Variants in TRIML1 observed in about 807,000 individuals in gnomAD.
The protein encoded by TRIML1 is probable E3 ubiquitin-protein ligase TRIML1.
A neutral mutation model predicts 32.3 loss-of-function variants in TRIML1; 34 were observed. The ratio of observed to expected loss-of-function variants is 1.05; its 90% CI spans 0.80 to 1.40. The LOEUF is 1.40. Ranked by LOEUF, TRIML1 falls within the 40% of genes most tolerant of loss-of-function variation. The pLI is 0.00. For synonymous variants in TRIML1, 244 were observed against 226.6 expected, an observed-to-expected ratio of 1.08 and a Z score of -0.69; for missense variants, 595 against 574.9, an observed-to-expected ratio of 1.03 and a Z score of -0.36.
At chr4:188,148,776 T>C (rs1735174313), downstream of TRIML1, among the ~76,000 whole-genome samples, 3 of 151,852 alleles carry the variant, frequency 2.0e-5, no homozygotes, top group South Asian at 4.2e-4. Context: ...CTAGTTTTTA[T>C]GTTTTTGTAG....
At chr4:188,149,854 A>C (rs1735204234), downstream of TRIML1, among the ~76,000 whole-genome samples, 1 of 152,018 alleles carries the variant, frequency 6.6e-6, no homozygotes, top group Admixed American at 6.6e-5. Flanking sequence ...CCAGGCTGGA[A>C]TGCAGTGGCG....
At chr4:188,138,334 G>C (rs1046424804), upstream of TRIML1, among the ~76,000 whole-genome samples, 1 of 152,098 alleles carries the variant, frequency 6.6e-6, no homozygotes, top group Non-Finnish European at 1.5e-5. Context: ...ACCAATGAAC[G>C]GAACAGCCTG....
downstream of TRIML1, among the ~76,000 whole-genome samples, chr4:188,148,602 GTGTT>G (rs534757145): frequency 9.9e-3 from 1,506 of 152,026 alleles, 12 homozygotes; most frequent in Non-Finnish European, 0.017. Flanking sequence ...ATCCCTGCAG[GTGTT>G]TGTTTGTTTG....
rs1560974906 is a variant in TRIML1 at position 188,147,039 on chromosome 4, C to G, written c.1074C>G (p.Cys358Trp). The change falls in exon 6 of 6, where the codon TGC becomes TGG. Residue 358 changes from cysteine to tryptophan, a missense_variant. Transcript: ENST00000332517. ...AGACCGAGTGGGAAGTGGGCATCTG[C>G]AAGGACTCTGTGAGCAGAAAGGGGA... ...GNKTEWEVGI[C>W]KDSVSRKGNL... The G allele has an allele frequency of 6.2e-7, 1 of 1,610,966 alleles. No homozygotes were observed. The highest frequency in any genetic ancestry group is 1.1e-5 in the South Asian group (1 of 90,650).
At chr4:188,140,759 T>A (rs546445146) in intron 2 of TRIML1, 136 bp downstream of exon 2, 1 of 652,976 alleles carries the variant, frequency 1.5e-6, no homozygotes, top group East Asian at 2.8e-5. Context: ...TTCCTTGCAT[T>A]GGGCTGCCTT....
At chr4:188,137,503 G>A (rs1367837555), upstream of TRIML1, among the ~76,000 whole-genome samples, 1 of 133,836 alleles carries the variant, frequency 7.5e-6, no homozygotes, top group Non-Finnish European at 1.6e-5. Flanking sequence ...TTGAGACAGA[G>A]TTTCGCTTTT....
intron 5 of TRIML1, among the ~76,000 whole-genome samples, chr4:188,144,412 G>A (rs775142642): frequency 2.7e-5 from 4 of 149,876 alleles, no homozygotes; most frequent in Admixed American, 6.7e-5. Context: ...TCCCGGGCTG[G>A]AGCGCAGGGG....
chr4:188,140,838 A>G (rs1734827285), intron 2 of TRIML1: 2 of 474,414 alleles, frequency 4.2e-6, no homozygotes, highest in Non-Finnish European at 7.5e-6. Context: ...CCTCCTTTGC[A>G]TAACTAGACA....
intron 1 of TRIML1, among the ~76,000 whole-genome samples, chr4:188,140,272 C>T (rs920364925): frequency 6.6e-6 from 1 of 152,108 alleles, no homozygotes; most frequent in African/African-American, 2.4e-5. Context: ...AGTCACCCAC[C>T]ACCACGCCCG....
chr4:188,140,719 T>G (rs1734822897), intron 2 of TRIML1, 96 bp downstream of exon 2: 1 of 927,742 alleles, frequency 1.1e-6, no homozygotes, highest in African/African-American at 1.7e-5. Flanking sequence ...AAAGACAAAT[T>G]TTTCCAGTCT....
At chr4:188,140,718 T>C in intron 2 of TRIML1, 95 bp downstream of exon 2, 1 of 943,920 alleles carries the variant, frequency 1.1e-6, no homozygotes, top group Admixed American at 2.3e-5. Flanking sequence ...AAAAGACAAA[T>C]TTTTCCAGTC....
At position 188,143,783 on chromosome 4, in the gene TRIML1, C is replaced by T. The variant is rs1011187665; in HGVS notation, c.736-55C>T. On this transcript the variant is annotated intron_variant, in intron 3 of 5. Coordinates refer to ENST00000332517, the MANE Select transcript of TRIML1 (RefSeq NM_178556.5). ...CAAGGACTGTATGCAAAATGAATTTCGTCTGTGTTATGATCAAAGCGCACC... is the reference window on the plus strand; with the variant it reads ...CAAGGACTGTATGCAAAATGAATTTTGTCTGTGTTATGATCAAAGCGCACC... 4.4e-6 allele frequency: 7 copies of T among 1,604,964 alleles called. No homozygotes were observed. The African/African-American group carries it at 6.7e-5, about 15-fold the overall frequency.
chr4:188,143,062 T>TG (rs1381022274), intron 3 of TRIML1: 1 of 152,002 alleles, frequency 6.6e-6, no homozygotes, highest in East Asian at 1.9e-4. Flanking sequence ...CAGGACCTTT[T>TG]TTTTTTTTTT....
chr4:188,143,910 T>A (rs781618977), intron 4 of TRIML1, 50 bp downstream of exon 4: 2 of 1,613,232 alleles, frequency 1.2e-6, no homozygotes, highest in Admixed American at 3.3e-5. Flanking sequence ...GCAGTGGTGC[T>A]GATGGACAGT....
rs2111239880 is a variant in TRIML1 at position 188,147,212 on chromosome 4, G to C, written c.1247G>C (p.Gly416Ala). 1 of 1,613,442 alleles carries C rather than the reference G, an allele frequency of 6.2e-7. No homozygotes were observed. The highest frequency in any genetic ancestry group is 8.5e-7 in the Non-Finnish European group (1 of 1,179,814). ...KVGVFLDYES[G>A]HIAFYNGTDE... ...GGTGTCTTCCTGGACTATGAATCTG[G>C]ACATATAGCATTCTACAACGGGACG... The change falls in exon 6 of 6, where the codon GGA becomes GCA. Residue 416 changes from glycine to alanine, a missense_variant. By Grantham distance (60) the Gly-to-Ala change is moderately conservative. Coordinates refer to ENST00000332517, the MANE Select transcript of TRIML1 (RefSeq NM_178556.5).
rs372670242 is a variant in TRIML1, at chr4:188,139,899, C to G, written c.341C>G (p.Ala114Gly). ...TCCGATGACGAGCAGGGTGGAAGCG[C>G]CTTCGTAGCCCAGAGCCATGGTGCA... ...ALSDDEQGGSAFVAQSHGANR... is the reference protein window; with the variant it reads ...ALSDDEQGGSGFVAQSHGANR... The change falls in exon 1 of 6, where the codon GCC becomes GGC. Residue 114 changes from alanine to glycine, a missense_variant. Physicochemically the swap from Ala to Gly is moderately conservative, Grantham distance 60 (BLOSUM62 0). Transcript: ENST00000332517. 4.3e-6 allele frequency: 7 copies of G among 1,613,706 alleles called. No homozygotes were observed. Among genetic ancestry groups the G allele is most frequent in the Middle Eastern group, 1.6e-4 (1 of 6,080 alleles).
chr4:188,145,939 A>G (rs563574104), intron 5 of TRIML1, among the ~76,000 whole-genome samples: 1 of 152,248 alleles, frequency 6.6e-6, no homozygotes, highest in Non-Finnish European at 1.5e-5. Flanking sequence ...TTGTCATGAC[A>G]TAATGAAAAA....
At chr4:188,138,310 C>G (rs780627167), upstream of TRIML1, among the ~76,000 whole-genome samples, 1 of 152,104 alleles carries the variant, frequency 6.6e-6, no homozygotes, top group Non-Finnish European at 1.5e-5. Context: ...CAGTTGGAGC[C>G]TTGAAAGTCA....
Position 188,143,977 on chromosome 4 carries a change from C to T in TRIML1, c.759-59C>T, listed in dbSNP as rs982532666. The stretch of plus-strand genomic sequence containing the variant: ...CTGGGGGAGAAATGAGGTGGACTCT[C>T]CAGCTGGAGCAGGTCACGCGGTCTG... On this transcript the variant is annotated intron_variant, in intron 4 of 5. Transcript: ENST00000332517. The T allele has an allele frequency of 1.4e-5, 22 of 1,606,222 alleles. No individual in the cohort carries two copies. In the African/African-American group the frequency reaches 2.9e-4, roughly 22 times the overall value.
Sources: gnomAD v4.1 joint callset for allele counts (sites outside exome capture counted in the v4.1 genomes callset) on GRCh38, gnomAD v4.1.1 for gene constraint, MANE v1.5 for transcripts, NCBI Gene and HGNC (gene_info 2026-07-23, HGNC 2026-07-21) for gene names.